The following ZFP64 variants were observed in gnomAD, a reference collection of about 807,000 sequenced individuals.
ZFP64 encodes zinc finger protein 64.
ZFP64 carries 14 observed loss-of-function variants against 51.6 expected under a neutral mutation model. The observed-to-expected ratio is 0.27, with a 90% CI of 0.18 to 0.42. The LOEUF is 0.42. Ranked by LOEUF, ZFP64 falls within the 10% of genes least tolerant of loss-of-function variation. ZFP64 has a pLI of 1.00. For synonymous variants in ZFP64, 375 were observed against 361.4 expected, an observed-to-expected ratio of 1.04 and a Z score of -0.43; for missense variants, 754 against 906.8, an observed-to-expected ratio of 0.83 and a Z score of 2.16.
In ZFP64 at chr20:52,191,495, C is replaced by T; in HGVS notation, c.46+96G>A. On this transcript the variant is annotated intron_variant, in intron 1 of 5. Coordinates refer to ENST00000216923, the MANE Select transcript of ZFP64 (RefSeq NM_018197.3). This position sits in a 1 kb window ranked among gnomAD's most constrained non-coding sequence, Gnocchi z 4.3. The stretch of plus-strand genomic sequence containing the variant: ...GAGCCGTCACCCCGATTTCGGGGCC[C>T]CGGGCCTGCTGGCTGCGTCGCAGAC... 7.3e-7 allele frequency: 1 copy of T among 1,372,124 alleles called. No individual in the cohort carries two copies. The highest frequency in any genetic ancestry group is 9.4e-7 in the Non-Finnish European group (1 of 1,060,886). The allele number at this position is 1,372,124 out of a possible 1,614,324, so 85.0% of individuals were successfully genotyped here. A position where few individuals can be genotyped will look rare whatever the true frequency, so the allele number is the denominator to read the frequency against.
rs1038477220 is a variant in ZFP64, at chr20:52,151,491, C to T, written c.*655G>A. 1.6e-5 allele frequency: 16 copies of T among 985,274 alleles called. No homozygotes were observed. The highest frequency in any genetic ancestry group is 7.0e-5 in the African/African-American group (4 of 57,154). 61.0% of individuals were successfully genotyped at this position (985,274 alleles called of 1,614,324 possible). On this transcript the variant is annotated 3_prime_UTR_variant, in exon 6 of 6. Transcript: ENST00000216923. ...AGAGGCTGGGAAGTACCATTTACTA[C>T]ACAAATGTAATAAGATGGACAGAAA...
chr20:52,170,743 G>C (rs1442370015), intron 2 of ZFP64, among the ~76,000 whole-genome samples: 2 of 152,174 alleles, frequency 1.3e-5, no homozygotes, highest in Non-Finnish European at 1.5e-5. Flanking sequence ...AATTTATTCA[G>C]CAAATATTTA....
intron 5 of ZFP64, among the ~76,000 whole-genome samples, chr20:52,120,999 T>C (rs1979162940): frequency 6.6e-6 from 1 of 152,140 alleles, no homozygotes; most frequent in Admixed American, 6.5e-5. Context: ...TATTTGATGC[T>C]ACCCTCGTAA....
chr20:52,087,738 C>T (rs1227941471), intron 8 of ZFP64, among the ~76,000 whole-genome samples: 7 of 152,224 alleles, frequency 4.6e-5, no homozygotes, highest in Non-Finnish European at 2.9e-5. Flanking sequence ...ATGCTTGTTC[C>T]AAGCCCAGAG....
At chr20:52,171,872 T>C (rs2123063037) in intron 2 of ZFP64, among the ~76,000 whole-genome samples, 2 of 151,938 alleles carry the variant, frequency 1.3e-5, no homozygotes, top group Admixed American at 6.6e-5. Flanking sequence ...CTCAACCTCC[T>C]GAGTAGCTGG....
exon 9 of ZFP64, chr20:52,084,866 G>A (rs981715085): frequency 6.2e-7 from 1 of 1,613,892 alleles, no homozygotes; most frequent in South Asian, 1.1e-5. Flanking sequence ...TGTGCACCTT[G>A]TCGACGTGCT....
exon 9 of ZFP64, chr20:52,084,726 A>G (rs767172743): frequency 6.2e-7 from 1 of 1,614,062 alleles, no homozygotes; most frequent in African/African-American, 1.3e-5. Flanking sequence ...GTCATCCCTG[A>G]CGAAGGAGGC....
intron 8 of ZFP64, among the ~76,000 whole-genome samples, chr20:52,086,478 ATTT>A (rs11476509): frequency 5.3e-4 from 76 of 142,576 alleles, no homozygotes; most frequent in South Asian, 8.9e-4. Context: ...TTCACAAGGA[ATTT>A]TTTTTTTTTT....
intron 7 of ZFP64, among the ~76,000 whole-genome samples, chr20:52,092,004 A>T (rs147549627): frequency 1.2e-4 from 18 of 152,110 alleles, no homozygotes; most frequent in African/African-American, 3.4e-4. Flanking sequence ...ACAAAACCAA[A>T]CAAAAAACCT....
downstream of ZFP64, among the ~76,000 whole-genome samples, chr20:52,147,210 CT>C (rs199874420): frequency 2.0e-5 from 3 of 151,318 alleles, no homozygotes; most frequent in East Asian, 1.9e-4. Flanking sequence ...GTCTGTGTTT[CT>C]TTTTTTTTGA....
At position 52,191,654 on chromosome 20, in the gene ZFP64, TC is replaced by T. The variant is rs767607250; in HGVS notation, c.-19del. 3 of 1,578,094 alleles carry T rather than the reference TC, an allele frequency of 1.9e-6. No individual in the cohort carries two copies. Among genetic ancestry groups the T allele is most frequent in the Admixed American group, 1.8e-5 (1 of 56,148 alleles). On this transcript the variant is annotated 5_prime_UTR_variant, in exon 1 of 6. Coordinates refer to ENST00000216923, the MANE Select transcript of ZFP64 (RefSeq NM_018197.3). The surrounding 1 kb of genome is among the most constrained non-coding windows in gnomAD (Gnocchi z 4.3). ...GCGTTCATGGCCGCAGACTGGGAGG[TC>T]CCCGGCCGGCCGGGATGCCAAAGTG...
intron 5 of ZFP64, among the ~76,000 whole-genome samples, chr20:52,106,177 G>A (rs1978314932): frequency 6.6e-6 from 1 of 152,180 alleles, no homozygotes; most frequent in African/African-American, 2.4e-5. Context: ...GGTGACGGAG[G>A]CGTGGTCCTC....
In ZFP64 at chr20:52,153,461, G is replaced by T. The variant is rs1449378183; in HGVS notation, c.764-33C>A. On this transcript the variant is annotated intron_variant, in intron 5 of 5. Transcript: ENST00000216923. This position sits in a 1 kb window ranked among gnomAD's most constrained non-coding sequence, Gnocchi z 5.1. Reference sequence around the variant, plus strand: ...CACAAGGTGAGTTTCGATAAGAACAGGCAGGCAACAACCACAGCGGATCCC... The same window carrying T: ...CACAAGGTGAGTTTCGATAAGAACATGCAGGCAACAACCACAGCGGATCCC... The T allele has an allele frequency of 1.9e-6, 3 of 1,595,638 alleles. No individual in the cohort carries two copies. The highest frequency in any genetic ancestry group is 2.6e-6 in the Non-Finnish European group (3 of 1,169,866).
intron 5 of ZFP64, among the ~76,000 whole-genome samples, chr20:52,100,591 G>A (rs2079040269): frequency 6.6e-6 from 1 of 152,154 alleles, no homozygotes. Flanking sequence ...TATAGGCCAA[G>A]GTCTGGGACT....
chr20:52,105,154 G>A (rs1216983292), intron 5 of ZFP64: 5 of 1,447,828 alleles, frequency 3.5e-6, no homozygotes, highest in East Asian at 2.7e-5. Context: ...CCACCTGCGG[G>A]GCCACCTCCG....
chr20:52,120,560 T>C (rs1034182472), intron 5 of ZFP64, among the ~76,000 whole-genome samples: 6 of 152,116 alleles, frequency 3.9e-5, no homozygotes, highest in Non-Finnish European at 4.4e-5. Flanking sequence ...ATCGGCTTCA[T>C]TTTTCCAATG....
exon 7 of ZFP64, chr20:52,097,401 G>C: frequency 6.2e-7 from 1 of 1,612,594 alleles, no homozygotes; most frequent in South Asian, 1.1e-5. Flanking sequence ...GGCGGTCCAA[G>C]TCTTTCATGC....
chr20:52,172,952 G>A, intron 2 of ZFP64, among the ~76,000 whole-genome samples: 1 of 152,046 alleles, frequency 6.6e-6, no homozygotes, highest in East Asian at 1.9e-4. Context: ...TTTGTAGCAG[G>A]GGCATATTCA....
In ZFP64 at chr20:52,164,691, T is replaced by C. The variant is rs1982097623; in HGVS notation, c.511+4A>G. On this transcript the variant is annotated splice_donor_region_variant and intron_variant, in intron 4 of 5. Coordinates refer to ENST00000216923, the MANE Select transcript of ZFP64 (RefSeq NM_018197.3). ...GGCATATGCGCTAAAGAAATGCTAC[T>C]TACCCGTGTGAATTTTTAAATGCCG... 1 of 1,613,474 alleles carries C rather than the reference T, an allele frequency of 6.2e-7. No homozygotes were observed. Among genetic ancestry groups the C allele is most frequent in the African/African-American group, 1.3e-5 (1 of 74,850 alleles).
Sources: gnomAD v4.1 joint callset for allele counts (sites outside exome capture counted in the v4.1 genomes callset) on GRCh38, gnomAD v4.1.1 for gene constraint, Gnocchi (gnomAD v3.1) non-coding constraint, MANE v1.5 for transcripts, NCBI Gene and HGNC (gene_info 2026-07-23, HGNC 2026-07-21) for gene names.